The following TXNRD1 variants were observed in gnomAD, a reference collection of about 807,000 sequenced individuals.
TXNRD1 encodes the protein thioredoxin reductase 1, also known as thioredoxin reductase 1, cytoplasmic.
TXNRD1 carries 57 observed loss-of-function variants against 80.3 expected under a neutral mutation model. That is an observed-to-expected ratio of 0.71 (90% confidence interval 0.57 to 0.89). The LOEUF is 0.89. TXNRD1 is among the 40% of genes least tolerant of loss of function. TXNRD1 has a pLI of 0.00. For missense variants in TXNRD1, 730 were observed against 803.0 expected (o/e 0.91, Z 1.10); for synonymous variants, 291 against 285.2 (o/e 1.02, Z -0.20).
chr12:104,254,639 A>AT, intron 2 of TXNRD1, among the ~76,000 whole-genome samples: 1 of 129,496 alleles, frequency 7.7e-6, no homozygotes, highest in African/African-American at 3.2e-5. Flanking sequence ...GGAAAAAAAA[A>AT]AAAAAATATA....
In TXNRD1 at chr12:104,289,005, CAG is replaced by C. The variant is rs779529169; in HGVS notation, c.383_384del (p.Arg128LysfsTer27). 1.7e-5 allele frequency: 27 copies of C among 1,613,894 alleles called. 1 individual carries two copies. The Admixed American group carries it at 2.8e-4, about 17-fold the overall frequency. On this transcript the variant is annotated frameshift_variant, in exon 4 of 17. Transcript: ENST00000525566. LOFTEE classifies it high-confidence loss of function. ...CGATCTGCCCGTTGTGTTTGTGAAA[CAG>C]AGAAAGATAGGCGGCCATGGTCCAA... Reference protein sequence around the residue: ...ETDLPVVFVKQRKIGGHGPTL... With the variant: ...ETDLPVVFVKXRKIGGHGPTL...
At chr12:104,261,278 C>G (rs1168331656) in intron 3 of TXNRD1, among the ~76,000 whole-genome samples, 1 of 152,072 alleles carries the variant, frequency 6.6e-6, no homozygotes, top group Non-Finnish European at 1.5e-5. Context: ...ATTCTCCTGC[C>G]TCAGCCCCCA....
At chr12:104,246,710 A>G (rs1472387864) in intron 1 of TXNRD1, among the ~76,000 whole-genome samples, 1 of 151,462 alleles carries the variant, frequency 6.6e-6, no homozygotes, top group Non-Finnish European at 1.5e-5. Context: ...TTTAGTAGAG[A>G]CTGGGTTTCA....
intron 4 of TXNRD1, chr12:104,304,685 T>C: frequency 6.2e-7 from 1 of 1,614,026 alleles, no homozygotes; most frequent in African/African-American, 1.3e-5. Flanking sequence ...TGATCCAAAC[T>C]CTTTTTCTCG....
chr12:104,343,053 C>T (rs1390968518), intron 16 of TXNRD1, among the ~76,000 whole-genome samples: 1 of 152,202 alleles, frequency 6.6e-6, no homozygotes, highest in Non-Finnish European at 1.5e-5. Context: ...GAAGTAATAG[C>T]AAGAGCAGAC....
In TXNRD1 at chr12:104,267,707, T is replaced by TTCTC. The variant is rs1333399715; in HGVS notation, c.304+9631_304+9632insCTCT. On this transcript the variant is annotated intron_variant, in intron 3 of 16. Transcript: ENST00000525566. ...TTTCTTTCTTTCTTTCTTTCTCTCT[T>TTCTC]TCTTTCTTTCTTTCTCTTTCTTTCT... Among the ~76,000 whole-genome samples, 5 of 61,222 alleles carry TTCTC rather than the reference T, an allele frequency of 8.2e-5. No individual in the cohort carries two copies. In the Admixed American group the frequency reaches 8.8e-4, roughly 11 times the overall value. The allele number at this position is 61,222 out of a possible 152,430, so 40.2% of individuals were successfully genotyped here.
In TXNRD1 at chr12:104,221,671, C is replaced by T. The variant is rs576587790; in HGVS notation, c.91+5778C>T. The stretch of plus-strand genomic sequence containing the variant: ...GTTTTCAGCTTTCAACATTCAAGTA[C>T]GCTCCCAACTTTGACAAATATAGAA... On this transcript the variant is annotated intron_variant, in intron 1 of 16. Coordinates refer to ENST00000525566, the MANE Select transcript of TXNRD1 (RefSeq NM_001093771.3). Among the ~76,000 whole-genome samples the T allele has an allele frequency of 7.9e-5, 12 of 152,218 alleles. No individual in the cohort carries two copies. The East Asian group carries it at 1.2e-3, about 15-fold the overall frequency.
At chr12:104,314,952 A>G (rs1286189101) in intron 6 of TXNRD1, among the ~76,000 whole-genome samples, 1 of 152,070 alleles carries the variant, frequency 6.6e-6, no homozygotes, top group Non-Finnish European at 1.5e-5. Flanking sequence ...CGTTTTGGCC[A>G]GGCTGGTCTC....
chr12:104,330,491 T>C (rs1476698727), intron 13 of TXNRD1, among the ~76,000 whole-genome samples: 1 of 152,164 alleles, frequency 6.6e-6, no homozygotes, highest in Non-Finnish European at 1.5e-5. Flanking sequence ...AGAGTTAACC[T>C]TTTTTTCCCC....
At chr12:104,292,395 C>CTTTT (rs35461325) in intron 4 of TXNRD1, among the ~76,000 whole-genome samples, 7 of 146,042 alleles carry the variant, frequency 4.8e-5, no homozygotes, top group South Asian at 2.2e-4. Flanking sequence ...GCCCCCCCGC[C>CTTTT]TTTTTTTTTT....
intron 1 of TXNRD1, among the ~76,000 whole-genome samples, chr12:104,249,844 A>C (rs2033077214): frequency 6.6e-6 from 1 of 150,460 alleles, no homozygotes; most frequent in Non-Finnish European, 1.5e-5. Flanking sequence ...CTGAGGCAAG[A>C]GAATGGCGTG....
Position 104,288,240 on chromosome 12 carries a change from C to A in TXNRD1, c.305-691C>A, listed in dbSNP as rs183170885. ...TCCTGACCTCATGATCCACCCGCCT[C>A]GGCCTCCCAAATAAGCAGCTATACT... On this transcript the variant is annotated intron_variant, in intron 3 of 16. Coordinates refer to ENST00000525566, the MANE Select transcript of TXNRD1 (RefSeq NM_001093771.3). Among the ~76,000 whole-genome samples the A allele has an allele frequency of 4.1e-4, 62 of 152,306 alleles. No homozygotes were observed. The Middle Eastern group carries it at 0.01, about 25-fold the overall frequency.
chr12:104,311,936 G>A (rs946893737), intron 5 of TXNRD1, among the ~76,000 whole-genome samples: 42 of 151,966 alleles, frequency 2.8e-4, no homozygotes, highest in African/African-American at 9.4e-4. Flanking sequence ...AGCTGAGATC[G>A]CACCATTGCA....
At chr12:104,311,267 T>A (rs965272669) in intron 4 of TXNRD1, 23 bp from the exon 5 acceptor site, 1 of 1,546,454 alleles carries the variant, frequency 6.5e-7, no homozygotes, top group Admixed American at 2.2e-5. Flanking sequence ...TAAATTATTT[T>A]CTCTTCTGTT....
chr12:104,292,100 C>T (rs918824252), intron 4 of TXNRD1, among the ~76,000 whole-genome samples: 1 of 152,210 alleles, frequency 6.6e-6, no homozygotes, highest in African/African-American at 2.4e-5. Flanking sequence ...ATTGTTTCTT[C>T]CTCATCCCCT....
At chr12:104,237,669 T>C (rs1277506164) in intron 1 of TXNRD1, among the ~76,000 whole-genome samples, 1 of 152,182 alleles carries the variant, frequency 6.6e-6, no homozygotes, top group African/African-American at 2.4e-5. Flanking sequence ...TTGTTATAGA[T>C]GTGTTGTGTG....
intron 3 of TXNRD1, among the ~76,000 whole-genome samples, chr12:104,267,384 C>A (rs1020900975): frequency 1.3e-5 from 2 of 151,274 alleles, no homozygotes; most frequent in African/African-American, 4.9e-5. Flanking sequence ...TTCATGCAAT[C>A]CTCCCACCTC....
chr12:104,309,852 C>T lies in TXNRD1; in HGVS notation c.415-1438C>T, dbSNP rs978154914. On this transcript the variant is annotated intron_variant, in intron 4 of 16. Transcript: ENST00000525566. ...TCTTGTGCTAGACCTTTTGTGCAGA[C>T]TGTCAGAGTGGTGCAGTCTTGCCCC... The T allele has an allele frequency of 4.6e-6, 7 of 1,535,514 alleles. No homozygotes were observed. In the Admixed American group the frequency reaches 1.2e-4, roughly 26 times the overall value.
chr12:104,337,351 C>G lies in TXNRD1; in HGVS notation c.1747-1788C>G, dbSNP rs35952063. 8.7e-4 allele frequency among the ~76,000 whole-genome samples: 133 copies of G among 152,068 alleles called. 2 individuals are homozygous for G. In the East Asian group the frequency reaches 0.023, roughly 26 times the overall value. On this transcript the variant is annotated intron_variant, in intron 15 of 16. Transcript: ENST00000525566. Reference sequence around the variant, plus strand: ...GGAACCTTAGACAAGCTCTGCACCCCACAGCCTGAGTTGCCTCATCTGTTA... The same window carrying G: ...GGAACCTTAGACAAGCTCTGCACCCGACAGCCTGAGTTGCCTCATCTGTTA...
Sources: allele counts gnomAD v4.1 joint callset (sites outside exome capture counted in the v4.1 genomes callset), GRCh38; gene constraint gnomAD v4.1.1; transcripts MANE v1.5; gene names NCBI Gene and HGNC (gene_info 2026-07-23, HGNC 2026-07-21).